The following TREH variants were observed in gnomAD, a reference collection of about 807,000 sequenced individuals.
The protein encoded by TREH is alpha,alpha-trehalose glucohydrolase.
TREH carries 69 observed loss-of-function variants against 80.5 expected under a neutral mutation model. That is an observed-to-expected ratio of 0.86 (90% CI 0.71 to 1.05). The LOEUF (loss-of-function observed/expected upper bound fraction) is 1.05, where lower values mean the gene tolerates loss of function less well. Among genes scored for constraint, TREH ranks in the 50% least tolerant of loss-of-function variants. The pLI is 0.00. For synonymous variants in TREH, 309 were observed against 293.5 expected (o/e 1.05, Z -0.54); for missense variants, 716 against 718.8 (o/e 1.00, Z 0.04).
Position 118,659,220 on chromosome 11 carries a change from A to C in TREH, c.1432+150T>G. The C allele has an allele frequency of 3.6e-6, 3 of 823,818 alleles. No individual in the cohort carries two copies. The Middle Eastern group carries it at 7.4e-4, about 204-fold the overall frequency. 51.0% of individuals were successfully genotyped at this position (823,818 alleles called of 1,614,324 possible). A position where few individuals can be genotyped will look rare whatever the true frequency, so the allele number is the denominator to read the frequency against. On this transcript the variant is annotated intron_variant, in intron 12 of 14. Transcript: ENST00000264029. Reference sequence around the variant, plus strand: ...ATTGCACTGGACAGGCTGGGTGGACATAAGTGTCAAGTGGAGGCCAGGAGA... The same window carrying C: ...ATTGCACTGGACAGGCTGGGTGGACCTAAGTGTCAAGTGGAGGCCAGGAGA...
chr11:118,663,157 T>G lies in TREH; in HGVS notation c.230A>C (p.His77Pro). Residue 77 changes from histidine to proline, a missense_variant, in exon 3 of 15, where the codon CAC becomes CCC. Coordinates refer to ENST00000264029, the MANE Select transcript of TREH (RefSeq NM_007180.3). Reference protein sequence around the residue: ...LQTFTELSRDHNHSIPREQLQ... With the variant: ...LQTFTELSRDPNHSIPREQLQ... The stretch of plus-strand genomic sequence containing the variant: ...CTGCTCCCTGGGGATGCTGTGATTG[T>G]GGTCCCTGGACAGCTCAGTGAAGGT... 1 of 1,613,634 alleles carries G rather than the reference T, an allele frequency of 6.2e-7. No individual in the cohort carries two copies. Among genetic ancestry groups the G allele is most frequent in the South Asian group, 1.1e-5 (1 of 91,010 alleles).
At chr11:118,658,644 C>A (rs781863030) in intron 14 of TREH, 36 bp downstream of exon 14, 1 of 1,561,270 alleles carries the variant, frequency 6.4e-7, no homozygotes, top group East Asian at 2.4e-5. Flanking sequence ...TTCAGGAGTT[C>A]CCTGGTGTTG....
intron 1 of TREH, among the ~76,000 whole-genome samples, chr11:118,678,775 C>T (rs575810325): frequency 6.6e-6 from 1 of 151,772 alleles, no homozygotes; most frequent in Admixed American, 6.6e-5. Context: ...GTCCAGGAGA[C>T]AGGACAGGGT....
chr11:118,658,805 C>G, intron 13 of TREH, 72 bp from the exon 14 acceptor site: 2 of 1,611,258 alleles, frequency 1.2e-6, no homozygotes, highest in South Asian at 2.2e-5. Flanking sequence ...AACCAGAGCC[C>G]CTGGGGAGAA....
Position 118,679,593 on chromosome 11 carries a change from A to G in TREH, c.35T>C (p.Leu12Pro). The G allele has an allele frequency of 6.4e-7, 1 of 1,553,632 alleles. No homozygotes were observed. Among genetic ancestry groups the G allele is most frequent in the African/African-American group, 1.4e-5 (1 of 73,918 alleles). The part of the protein sequence containing the change: ...PGRTWELCLL[L>P]LLGLGLGSQE... ...GGACCCCAGTCCCAGCCCCAGCAGC[A>G]GTAGCAGGCACAGCTCCCAGGTCCT... is the stretch of plus-strand genomic sequence containing the variant. The change falls in exon 1 of 15, where the codon CTG becomes CCG. Residue 12 changes from leucine to proline, a missense_variant. Physicochemically the swap from Leu to Pro is moderately conservative, Grantham distance 98. Coordinates refer to ENST00000264029, the MANE Select transcript of TREH (RefSeq NM_007180.3).
At chr11:118,671,426 C>T (rs797030478) in intron 1 of TREH, among the ~76,000 whole-genome samples, 8 of 151,446 alleles carry the variant, frequency 5.3e-5, no homozygotes, top group African/African-American at 9.7e-5. Context: ...CTTTAACAGC[C>T]GAATTGATCA....
chr11:118,664,014 C>T (rs536887463), intron 1 of TREH, among the ~76,000 whole-genome samples: 11 of 152,190 alleles, frequency 7.2e-5, no homozygotes, highest in East Asian at 1.9e-4. Flanking sequence ...CACTTTGTAA[C>T]GAAGGCAGTG....
chr11:118,658,546 G>A (rs1356095927), intron 14 of TREH, 105 bp from the exon 15 acceptor site: 71 of 1,520,032 alleles, frequency 4.7e-5, no homozygotes, highest in Middle Eastern at 4.5e-4. Context: ...TAACCCCAGC[G>A]GTACAGGAAG....
At position 118,679,592 on chromosome 11, in the gene TREH, C is replaced by T; in HGVS notation, c.36G>A (p.Leu12=). The change falls in exon 1 of 15, where the codon CTG becomes CTA. Residue 12 remains leucine (L), a synonymous_variant. Coordinates refer to ENST00000264029, the MANE Select transcript of TREH (RefSeq NM_007180.3). ...GGGACCCCAGTCCCAGCCCCAGCAG[C>T]AGTAGCAGGCACAGCTCCCAGGTCC... ...PGRTWELCLL[L]LLGLGLGSQE... The T allele has an allele frequency of 6.4e-7, 1 of 1,553,186 alleles. No individual in the cohort carries two copies. Among genetic ancestry groups the T allele is most frequent in the East Asian group, 2.4e-5 (1 of 42,230 alleles).
chr11:118,663,734 C>T (rs782132088), intron 1 of TREH, among the ~76,000 whole-genome samples: 3 of 152,140 alleles, frequency 2.0e-5, no homozygotes, highest in Non-Finnish European at 2.9e-5. Context: ...GAGGTTAGCA[C>T]TTTAATCATA....
intron 1 of TREH, 149 bp downstream of exon 1, chr11:118,679,389 AT>A: frequency 9.4e-7 from 1 of 1,062,508 alleles, no homozygotes; most frequent in Non-Finnish European, 1.3e-6. Flanking sequence ...AGCCTGCTAC[AT>A]AGGAATTCTC....
chr11:118,677,290 G>A (rs952154682), intron 1 of TREH, among the ~76,000 whole-genome samples: 13 of 152,250 alleles, frequency 8.5e-5, no homozygotes, highest in African/African-American at 3.1e-4. Context: ...GCTGTCACAT[G>A]TTATTGCTGG....
Position 118,658,750 on chromosome 11 carries a change from G to A in TREH, c.1546-17C>T. On this transcript the variant is annotated splice_polypyrimidine_tract_variant and intron_variant, in intron 13 of 14. Transcript: ENST00000264029. ...GACGTCATACTGGGGACAAGCGGGTGGGCTGTATGTCAGGTACTGCCCCCC... is the reference window on the plus strand; with the variant it reads ...GACGTCATACTGGGGACAAGCGGGTAGGCTGTATGTCAGGTACTGCCCCCC... 1.2e-6 allele frequency: 2 copies of A among 1,608,712 alleles called. No homozygotes were observed. Among genetic ancestry groups the A allele is most frequent in the Non-Finnish European group, 1.7e-6 (2 of 1,177,486 alleles).
intron 1 of TREH, among the ~76,000 whole-genome samples, chr11:118,663,987 G>C (rs1194466130): frequency 1.3e-5 from 2 of 152,160 alleles, no homozygotes; most frequent in Non-Finnish European, 2.9e-5. Flanking sequence ...ATAATGTCTT[G>C]GGTGATGTCA....
intron 11 of TREH, 52 bp from the exon 12 acceptor site, chr11:118,659,533 C>CA: frequency 1.4e-6 from 2 of 1,471,294 alleles, no homozygotes; most frequent in Non-Finnish European, 1.8e-6. Flanking sequence ...GACTGGGAGC[C>CA]AGGACAGGAC....
chr11:118,659,116 G>C, intron 12 of TREH, 99 bp from the exon 13 acceptor site: 1 of 1,282,694 alleles, frequency 7.8e-7, no homozygotes, highest in Non-Finnish European at 1.1e-6. Context: ...AGAGGCCTGG[G>C]CCCTAAGACT....
Position 118,661,506 on chromosome 11 carries a change from A to C in TREH, c.621T>G (p.Tyr207Ter). 1 of 1,613,462 alleles carries C rather than the reference A, an allele frequency of 6.2e-7. No individual in the cohort carries two copies. Among genetic ancestry groups the C allele is most frequent in the Middle Eastern group, 1.6e-4 (1 of 6,062 alleles). ...LQNFLDLVKTYGHVPNGGRVY... is the reference protein window; with the variant it reads ...LQNFLDLVKT ...CGCGCCCACCATTGGGGACATGCCC[A>C]TAGCTGCCAAGGGGAAGGCCTGCTG... The change falls in exon 7 of 15, where the codon TAT becomes TAG. Residue 207 changes from tyrosine to a stop codon, truncating the protein, a stop_gained. Coordinates refer to ENST00000264029, the MANE Select transcript of TREH (RefSeq NM_007180.3). LOFTEE classifies it high-confidence loss of function. The surrounding 1 kb of genome is among the most constrained non-coding windows in gnomAD (Gnocchi z 4.2).
rs148271437 is a variant in TREH, at chr11:118,660,218, G to T, written c.1103-254C>A. On this transcript the variant is annotated intron_variant, in intron 10 of 14. Transcript: ENST00000264029. Reference sequence around the variant, plus strand: ...CTATCCTCCCAAGGGTACTGGCTGGGTGGATTCCCCTAGCTCTTAGGGGGT... The same window carrying T: ...CTATCCTCCCAAGGGTACTGGCTGGTTGGATTCCCCTAGCTCTTAGGGGGT... Among the ~76,000 whole-genome samples the T allele has an allele frequency of 3.9e-3, 589 of 152,338 alleles. 2 individuals are homozygous for T. The highest frequency in any genetic ancestry group is 6.0e-3 in the Non-Finnish European group (407 of 68,026).
rs550888673 is a variant in TREH, at chr11:118,659,929, G to A, written c.1138C>T (p.Arg380Trp). 38 of 1,551,652 alleles carry A rather than the reference G, an allele frequency of 2.4e-5. No individual in the cohort carries two copies. The highest frequency in any genetic ancestry group is 3.1e-5 in the Non-Finnish European group (35 of 1,147,006). Reference sequence around the variant, plus strand: ...TTCAGGGCGGCCAAGCGCTGCGACCGCAGGATTCTGTACTTCGTGGCCTGG... The same window carrying A: ...TTCAGGGCGGCCAAGCGCTGCGACCACAGGATTCTGTACTTCGTGGCCTGG... ...DSQATKYRIL[R>W]SQRLAALNTV... The change falls in exon 11 of 15, where the codon CGG (arginine) becomes TGG (tryptophan). Residue 380 changes from arginine (R) to tryptophan (W), a missense_variant. Arg to Trp is a moderately radical substitution (Grantham distance 101, BLOSUM62 -3). Transcript: ENST00000264029.
Sources: gnomAD v4.1 joint callset for allele counts (sites outside exome capture counted in the v4.1 genomes callset) on GRCh38, gnomAD v4.1.1 for gene constraint, Gnocchi (gnomAD v3.1) non-coding constraint, MANE v1.5 for transcripts, NCBI Gene and HGNC (gene_info 2026-07-23, HGNC 2026-07-21) for gene names.